The following WWOX variants were observed in gnomAD, a reference collection of about 807,000 sequenced individuals.
The protein encoded by WWOX is WW domain-containing oxidoreductase.
WWOX carries 69 observed loss-of-function variants against 46.2 expected under a neutral mutation model. That is an observed-to-expected ratio of 1.49 (90% CI 1.23 to 1.82). WWOX has a LOEUF of 1.82. WWOX is among the 40% of genes most tolerant of loss of function. The pLI is 0.00. For synonymous variants in WWOX, 359 were observed against 202.6 expected, an observed-to-expected ratio of 1.77 and a Z score of -6.56; for missense variants, 919 against 542.6, an observed-to-expected ratio of 1.69 and a Z score of -6.89.
chr16:78,102,022 G>A (rs2031828386), intron 1 of WWOX, among the ~76,000 whole-genome samples: 1 of 152,160 alleles, frequency 6.6e-6, no homozygotes, highest in Non-Finnish European at 1.5e-5. Context: ...CTGGGCTCAA[G>A]CGATCCTCCC....
intron 8 of WWOX, among the ~76,000 whole-genome samples, chr16:78,458,646 T>C (rs1172096697): frequency 3.3e-5 from 5 of 151,406 alleles, no homozygotes; most frequent in Non-Finnish European, 7.3e-5. Context: ...TTTTATAGCA[T>C]ATAAAAGTAA....
chr16:78,797,376 A>G (rs1468279185), intron 8 of WWOX, among the ~76,000 whole-genome samples: 1 of 136,534 alleles, frequency 7.3e-6, no homozygotes, highest in East Asian at 2.2e-4. Flanking sequence ...AAAAAAAAAA[A>G]AAAAGGAAAA....
chr16:78,308,490 A>T (rs1486577011), intron 5 of WWOX, among the ~76,000 whole-genome samples: 2 of 152,060 alleles, frequency 1.3e-5, no homozygotes, highest in African/African-American at 4.8e-5. Flanking sequence ...CCAAATTTCA[A>T]CCCTACTCTA....
intron 2 of WWOX, among the ~76,000 whole-genome samples, chr16:78,108,822 T>C (rs1386402370): frequency 1.3e-5 from 2 of 152,208 alleles, no homozygotes; most frequent in Non-Finnish European, 2.9e-5. Context: ...AGCGCATCTC[T>C]TCTAAAAATA....
At chr16:78,818,574 T>G (rs946842316) in intron 8 of WWOX, among the ~76,000 whole-genome samples, 2 of 152,018 alleles carry the variant, frequency 1.3e-5, no homozygotes, top group Non-Finnish European at 2.9e-5. Flanking sequence ...CTCCAAAAAG[T>G]TTAAAAATCG....
chr16:78,454,946 C>T (rs72799923), intron 8 of WWOX, among the ~76,000 whole-genome samples: 4,292 of 152,296 alleles, frequency 0.028, 106 homozygotes, highest in South Asian at 0.14. Flanking sequence ...TTGATGTGCT[C>T]CCCTCTGATA....
chr16:78,779,411 C>T (rs1216823255), intron 8 of WWOX, among the ~76,000 whole-genome samples: 2 of 152,114 alleles, frequency 1.3e-5, no homozygotes, highest in Admixed American at 1.3e-4. Flanking sequence ...CTTGACATTA[C>T]AGGTAAGAGC....
intron 7 of WWOX, among the ~76,000 whole-genome samples, chr16:78,431,481 C>T (rs766858788): frequency 5.9e-5 from 9 of 152,120 alleles, no homozygotes; most frequent in Non-Finnish European, 1.3e-4. Context: ...CAGGAAAGCC[C>T]TGTCAAAGGT....
At position 78,138,066 on chromosome 16, in the gene WWOX, G is replaced by C. The variant is rs1486973891; in HGVS notation, c.409+22912G>C. Among the ~76,000 whole-genome samples, 2 of 150,616 alleles carry C rather than the reference G, an allele frequency of 1.3e-5. 1 individual carries two copies. The highest frequency in any genetic ancestry group is 3.0e-5 in the Non-Finnish European group (2 of 67,590). ...TATAATGGATGCAATGAGGAAAGTT[G>C]TCTAGCAGACTGTTCTTGGCCAACT... On this transcript the variant is annotated intron_variant, in intron 4 of 8. Transcript: ENST00000566780.
At chr16:78,461,457 A>T (rs1418536241) in intron 8 of WWOX, among the ~76,000 whole-genome samples, 1 of 152,238 alleles carries the variant, frequency 6.6e-6, no homozygotes, top group Admixed American at 6.5e-5. Flanking sequence ...AACCCAGCCA[A>T]ACAAGTGGAA....
chr16:78,688,349 A>T (rs1020088558), intron 8 of WWOX, among the ~76,000 whole-genome samples: 2 of 150,490 alleles, frequency 1.3e-5, no homozygotes, highest in African/African-American at 4.9e-5. Flanking sequence ...ATTCATGATG[A>T]GTCACTATAT....
chr16:78,721,994 A>C (rs111621772), intron 8 of WWOX, among the ~76,000 whole-genome samples: 3 of 152,242 alleles, frequency 2.0e-5, no homozygotes, highest in African/African-American at 7.2e-5. Context: ...TTAAATTAGC[A>C]TCCAGGCACT....
chr16:79,174,292 C>G (rs754432390), intron 8 of WWOX, among the ~76,000 whole-genome samples: 4 of 152,204 alleles, frequency 2.6e-5, no homozygotes, highest in Non-Finnish European at 4.4e-5. Flanking sequence ...GAAAAATTAT[C>G]TTTTCCCCCA....
chr16:79,146,944 A>G (rs57836526), intron 8 of WWOX, among the ~76,000 whole-genome samples: 4,260 of 152,286 alleles, frequency 0.028, 186 homozygotes, highest in African/African-American at 0.098. Flanking sequence ...GAAGACTCAC[A>G]TGTAGTTGTA....
intron 8 of WWOX, among the ~76,000 whole-genome samples, chr16:78,564,820 G>A (rs1291658116): frequency 2.0e-5 from 3 of 151,934 alleles, no homozygotes; most frequent in Middle Eastern, 3.2e-3. Flanking sequence ...TCTATTTACG[G>A]ATCATCAGTT....
intron 8 of WWOX, among the ~76,000 whole-genome samples, chr16:79,207,438 C>G (rs762909545): frequency 5.9e-5 from 9 of 152,352 alleles, no homozygotes; most frequent in Non-Finnish European, 1.2e-4. Flanking sequence ...CTTCCCTGCT[C>G]TTGGTGTTCC....
intron 8 of WWOX, among the ~76,000 whole-genome samples, chr16:78,979,318 T>C (rs1340002837): frequency 6.6e-6 from 1 of 152,170 alleles, no homozygotes; most frequent in African/African-American, 2.4e-5. Context: ...CTTTATAGTT[T>C]TTTTTCTATC....
chr16:79,171,431 C>T (rs2050697265), intron 8 of WWOX, among the ~76,000 whole-genome samples: 1 of 152,038 alleles, frequency 6.6e-6, no homozygotes, highest in African/African-American at 2.4e-5. Context: ...TTAATGAAAA[C>T]AGTGGTTGGT....
At chr16:79,182,608 C>T (rs548531135) in intron 8 of WWOX, among the ~76,000 whole-genome samples, 1 of 152,170 alleles carries the variant, frequency 6.6e-6, no homozygotes, top group South Asian at 2.1e-4. Flanking sequence ...GTTTAAAAGC[C>T]AAGATTCTGG....
Sources: gnomAD v4.1 joint callset for allele counts (sites outside exome capture counted in the v4.1 genomes callset) on GRCh38, gnomAD v4.1.1 for gene constraint, MANE v1.5 for transcripts, NCBI Gene and HGNC (gene_info 2026-07-23, HGNC 2026-07-21) for gene names.